Variants in PTK2 observed in about 807,000 individuals in gnomAD.
PTK2 encodes the protein focal adhesion kinase 1.
Under a neutral mutation model 150.1 loss-of-function variants are expected in PTK2, and 45 were observed. The ratio of observed to expected loss-of-function variants is 0.30; its 90% CI spans 0.24 to 0.38. The LOEUF (loss-of-function observed/expected upper bound fraction) is 0.38, where lower values mean the gene tolerates loss of function less well. PTK2 is among the 10% of genes least tolerant of loss of function. The pLI is 1.00. For synonymous variants in PTK2, 432 were observed against 449.2 expected, an observed-to-expected ratio of 0.96 and a Z score of 0.48; for missense variants, 919 against 1,307.3, an observed-to-expected ratio of 0.70 and a Z score of 4.58.
At chr8:140,664,635 C>T (rs989160141) in intron 31 of PTK2, among the ~76,000 whole-genome samples, 5 of 152,150 alleles carry the variant, frequency 3.3e-5, no homozygotes, top group African/African-American at 9.7e-5. Context: ...CCACTTGTAG[C>T]TCAGATGAGG....
chr8:140,927,973 A>C, intron 1 of PTK2, among the ~76,000 whole-genome samples: 1 of 72,948 alleles, frequency 1.4e-5, no homozygotes, highest in Admixed American at 2.1e-4. Flanking sequence ...AAAAAAAAAA[A>C]AAATATATAT....
At chr8:140,969,791 T>C (rs1368822148) in intron 1 of PTK2, among the ~76,000 whole-genome samples, 3 of 152,230 alleles carry the variant, frequency 2.0e-5, no homozygotes, top group Admixed American at 6.5e-5. Flanking sequence ...GAAAATCCAG[T>C]TGCCTGGTTG....
At chr8:140,877,185 A>G (rs2100146131) in intron 4 of PTK2, among the ~76,000 whole-genome samples, 1 of 151,914 alleles carries the variant, frequency 6.6e-6, no homozygotes, top group East Asian at 1.9e-4. Context: ...GGCACCCGCC[A>G]CCACGCCTGG....
chr8:140,744,429 C>G (rs1189668072), intron 19 of PTK2, among the ~76,000 whole-genome samples: 3 of 152,140 alleles, frequency 2.0e-5, no homozygotes, highest in Non-Finnish European at 2.9e-5. Context: ...TATTAACAAG[C>G]CATGGCATCT....
At chr8:140,679,541 C>T (rs190857235) in intron 27 of PTK2, among the ~76,000 whole-genome samples, 11 of 152,192 alleles carry the variant, frequency 7.2e-5, no homozygotes, top group African/African-American at 2.6e-4. Context: ...AGCTAGGCCT[C>T]GTGCATGGTT....
At chr8:140,920,190 C>T (rs2100166885) in intron 2 of PTK2, among the ~76,000 whole-genome samples, 1 of 152,056 alleles carries the variant, frequency 6.6e-6, no homozygotes, top group Admixed American at 6.6e-5. Context: ...AGCTGATTTG[C>T]TTTTAGTCAA....
At chr8:140,983,232 C>G (rs1388550288) in intron 1 of PTK2, among the ~76,000 whole-genome samples, 1 of 151,814 alleles carries the variant, frequency 6.6e-6, no homozygotes, top group Non-Finnish European at 1.5e-5. Flanking sequence ...ACTAAAAATG[C>G]AAAAATTAGC....
intron 1 of PTK2, among the ~76,000 whole-genome samples, chr8:140,995,989 AC>A (rs2100197582): frequency 6.6e-6 from 1 of 152,118 alleles, no homozygotes; most frequent in South Asian, 2.1e-4. Context: ...GTAGGCCGAC[AC>A]CCGAGAACCA....
At chr8:140,771,255 G>A (rs1473478660) in intron 14 of PTK2, 1 of 152,884 alleles carries the variant, frequency 6.5e-6, no homozygotes, top group East Asian at 1.9e-4. Flanking sequence ...CACAGCTCTT[G>A]AGTTATATAC....
chr8:140,688,926 G>A (rs1166051142), intron 26 of PTK2, among the ~76,000 whole-genome samples: 1 of 152,138 alleles, frequency 6.6e-6, no homozygotes. Flanking sequence ...TGCAGTTGGC[G>A]ACTATGGCAG....
chr8:140,967,302 C>A (rs2100185628), intron 1 of PTK2, among the ~76,000 whole-genome samples: 1 of 152,074 alleles, frequency 6.6e-6, no homozygotes, highest in African/African-American at 2.4e-5. Flanking sequence ...ACAGAAAGTT[C>A]TTACCACAGC....
intron 1 of PTK2, among the ~76,000 whole-genome samples, chr8:140,989,287 A>T (rs1238163664): frequency 6.6e-6 from 1 of 150,744 alleles, no homozygotes; most frequent in Non-Finnish European, 1.5e-5. Flanking sequence ...CCAGCTACTC[A>T]GGAGGCTGAG....
chr8:140,697,136 GGA>G (rs1491160407), intron 26 of PTK2, among the ~76,000 whole-genome samples: 4 of 43,336 alleles, frequency 9.2e-5, no homozygotes, highest in East Asian at 1.3e-3. Context: ...CCTGTTTCCG[GGA>G]AAAAAAAAAA....
chr8:140,927,943 AAAAAAAAAAAAAAAG>A (rs1291351517), intron 1 of PTK2, among the ~76,000 whole-genome samples: 97 of 102,978 alleles, frequency 9.4e-4, no homozygotes, highest in African/African-American at 3.5e-3. Context: ...TCAAAAAGAA[AAAAAAAAAAAAAAAG>A]AAAAAAAAAA....
intron 3 of PTK2, among the ~76,000 whole-genome samples, chr8:140,882,082 C>G (rs1172528881): frequency 1.3e-5 from 2 of 152,188 alleles, no homozygotes; most frequent in Non-Finnish European, 2.9e-5. Context: ...TTTGCTTTCT[C>G]ATTACGCATC....
At chr8:140,842,135 G>T (rs570714200) in intron 7 of PTK2, among the ~76,000 whole-genome samples, 1 of 152,030 alleles carries the variant, frequency 6.6e-6, no homozygotes, top group Admixed American at 6.5e-5. Flanking sequence ...TTAAAACAGA[G>T]AGCTATAAGG....
At chr8:140,774,749 C>T (rs2100077453) in intron 14 of PTK2, among the ~76,000 whole-genome samples, 1 of 152,186 alleles carries the variant, frequency 6.6e-6, no homozygotes, top group Non-Finnish European at 1.5e-5. Flanking sequence ...AAGATGGTGA[C>T]AAAAGTGACC....
At chr8:140,962,689 G>C (rs1399437854) in intron 1 of PTK2, among the ~76,000 whole-genome samples, 1 of 152,008 alleles carries the variant, frequency 6.6e-6, no homozygotes, top group Non-Finnish European at 1.5e-5. Flanking sequence ...GGCTGAGGCA[G>C]AGAATGGCGT....
At chr8:140,777,759 G>A (rs1338944987) in intron 14 of PTK2, among the ~76,000 whole-genome samples, 1 of 152,186 alleles carries the variant, frequency 6.6e-6, no homozygotes, top group African/African-American at 2.4e-5. Context: ...TTATGCCAAT[G>A]CAGGAGAGAT....
Sources: allele counts gnomAD v4.1 joint callset (sites outside exome capture counted in the v4.1 genomes callset), GRCh38; gene constraint gnomAD v4.1.1; transcripts MANE v1.5; gene names NCBI Gene and HGNC (gene_info 2026-07-23, HGNC 2026-07-21).